Variants in USP37 observed in about 807,000 individuals in gnomAD.
USP37 encodes ubiquitin specific peptidase 37.
Under a neutral mutation model 124.0 loss-of-function variants are expected in USP37, and 27 were observed. The ratio of observed to expected loss-of-function variants is 0.22; its 90% CI spans 0.16 to 0.30. The LOEUF is 0.30. Among genes scored for constraint, USP37 ranks in the 10% least tolerant of loss-of-function variants. USP37 has a pLI of 1.00. For missense variants in USP37, 889 were observed against 1,140.4 expected, an observed-to-expected ratio of 0.78 and a Z score of 3.17; for synonymous variants, 365 against 388.0, an observed-to-expected ratio of 0.94 and a Z score of 0.70.
At chr2:218,549,474 T>G (rs1692543879) in intron 6 of USP37, among the ~76,000 whole-genome samples, 1 of 151,104 alleles carries the variant, frequency 6.6e-6, no homozygotes, top group Non-Finnish European at 1.5e-5. Context: ...CTTTTTTTTT[T>G]TTTTTTTTGA....
At chr2:218,559,367 G>C (rs1327784669) in intron 3 of USP37, among the ~76,000 whole-genome samples, 1 of 152,128 alleles carries the variant, frequency 6.6e-6, no homozygotes, top group Non-Finnish European at 1.5e-5. Context: ...TTAGAATGGA[G>C]TTCCTCCCAA....
chr2:218,523,079 C>T (rs1349925455), intron 10 of USP37, among the ~76,000 whole-genome samples: 1 of 152,100 alleles, frequency 6.6e-6, no homozygotes, highest in African/African-American at 2.4e-5. Flanking sequence ...AGTTCGAGAC[C>T]AGCATGGCCA....
At chr2:218,465,477 C>T (rs1690261755) in intron 21 of USP37, among the ~76,000 whole-genome samples, 1 of 152,028 alleles carries the variant, frequency 6.6e-6, no homozygotes, top group South Asian at 2.1e-4. Context: ...TAGGAATAAT[C>T]TATAATACCC....
At chr2:218,479,614 A>C in intron 18 of USP37, 36 bp downstream of exon 18, 1 of 1,582,076 alleles carries the variant, frequency 6.3e-7, no homozygotes, top group Non-Finnish European at 8.7e-7. Context: ...CAAAACCTTA[A>C]ACACAGATTT....
chr2:218,497,827 A>G lies in USP37; in HGVS notation c.1188T>C (p.Asp396=). 1 of 1,614,064 alleles carries G rather than the reference A, an allele frequency of 6.2e-7. No individual in the cohort carries two copies. The highest frequency in any genetic ancestry group is 8.5e-7 in the Non-Finnish European group (1 of 1,180,022). ...RRFAHLLVKK[D]ICNSETKKDL... is the part of the protein sequence containing the mutation. ...CCTTTTTGGTCTCTGAATTACAGAT[A>G]TCTTTTTTAACAAGCAAGTGTGCAA... Residue 396 remains aspartate (D), a synonymous_variant, in exon 13 of 26, where the codon GAT becomes GAC. Coordinates refer to ENST00000258399, the MANE Select transcript of USP37 (RefSeq NM_020935.3).
intron 8 of USP37, among the ~76,000 whole-genome samples, chr2:218,542,612 T>C (rs180828471): frequency 1.3e-5 from 2 of 152,324 alleles, no homozygotes; most frequent in Non-Finnish European, 2.9e-5. Context: ...TTTCCAATAT[T>C]GGCAGTGACA....
At chr2:218,544,441 A>AGAGAGAGAGG (rs1692212102) in intron 8 of USP37, among the ~76,000 whole-genome samples, 1 of 141,748 alleles carries the variant, frequency 7.1e-6, no homozygotes, top group Admixed American at 7.0e-5. Context: ...AGAGAGAGAG[A>AGAGAGAGAGG]GAGAGAGAGA....
chr2:218,487,983 A>G (rs1332727863), intron 15 of USP37, among the ~76,000 whole-genome samples: 1 of 151,204 alleles, frequency 6.6e-6, no homozygotes, highest in African/African-American at 2.4e-5. Flanking sequence ...CAGGAGTTCG[A>G]GACCAGCCTG....
intron 5 of USP37, among the ~76,000 whole-genome samples, chr2:218,551,215 T>C (rs1383303829): frequency 6.6e-6 from 1 of 152,218 alleles, no homozygotes; most frequent in Non-Finnish European, 1.5e-5. Flanking sequence ...CTTTATGCTG[T>C]TCAAAGTATT....
At chr2:218,472,115 C>A (rs1293990367) in intron 20 of USP37, among the ~76,000 whole-genome samples, 1 of 151,896 alleles carries the variant, frequency 6.6e-6, no homozygotes, top group Non-Finnish European at 1.5e-5. Context: ...GTCTTTCCTT[C>A]GCAATGTGAT....
intron 5 of USP37, among the ~76,000 whole-genome samples, chr2:218,550,362 G>A (rs1369478861): frequency 1.3e-5 from 2 of 152,050 alleles, no homozygotes; most frequent in Non-Finnish European, 2.9e-5. Context: ...CTTCTATTCT[G>A]AAGAAACTAA....
intron 14 of USP37, among the ~76,000 whole-genome samples, chr2:218,492,923 T>C (rs1688872254): frequency 6.6e-6 from 1 of 152,136 alleles, no homozygotes; most frequent in South Asian, 2.1e-4. Flanking sequence ...GAAGGATTGC[T>C]TAAGTTCAGG....
chr2:218,514,237 A>C (rs1690155580), intron 10 of USP37: 1 of 152,204 alleles, frequency 6.6e-6, no homozygotes, highest in African/African-American at 2.4e-5. Flanking sequence ...ACAATGATAC[A>C]ATACTATTAA....
intron 8 of USP37, among the ~76,000 whole-genome samples, chr2:218,542,538 G>C (rs1692042881): frequency 1.3e-5 from 2 of 152,148 alleles, no homozygotes; most frequent in Admixed American, 6.5e-5. Context: ...GTGTAAATAA[G>C]GCAGAAGCAT....
chr2:218,536,709 G>A (rs553938598), intron 8 of USP37, among the ~76,000 whole-genome samples: 3 of 152,180 alleles, frequency 2.0e-5, no homozygotes, highest in East Asian at 3.9e-4. Flanking sequence ...TAATTCACAT[G>A]CACACTAATC....
chr2:218,550,536 T>C (rs1692608076), intron 5 of USP37, among the ~76,000 whole-genome samples: 1 of 151,916 alleles, frequency 6.6e-6, no homozygotes, highest in Non-Finnish European at 1.5e-5. Context: ...TTCACAAACC[T>C]TTTTGTAGGA....
intron 20 of USP37, among the ~76,000 whole-genome samples, chr2:218,468,613 G>A (rs1478388578): frequency 2.0e-5 from 3 of 152,142 alleles, no homozygotes; most frequent in Admixed American, 6.5e-5. Context: ...ACTGGCTAAC[G>A]AGAATTACCT....
intron 4 of USP37, among the ~76,000 whole-genome samples, chr2:218,555,701 T>C (rs1375457119): frequency 1.3e-5 from 2 of 152,096 alleles, no homozygotes; most frequent in African/African-American, 4.8e-5. Context: ...GACACACAAC[T>C]CTTCCTCTAT....
Position 218,487,563 on chromosome 2 carries a change from G to C in USP37, c.1590+741C>G, listed in dbSNP as rs527690679. On this transcript the variant is annotated intron_variant, in intron 15 of 25. Transcript: ENST00000258399. Reference sequence around the variant, plus strand: ...AGCCTCCTGATTAGCTGGGACTACAGGCACACGCCACCATGCCCAGCTATT... The same window carrying C: ...AGCCTCCTGATTAGCTGGGACTACACGCACACGCCACCATGCCCAGCTATT... Among the ~76,000 whole-genome samples, 19 of 152,134 alleles carry C rather than the reference G, an allele frequency of 1.2e-4. 1 individual carries two copies. The South Asian group carries it at 3.7e-3, about 30-fold the overall frequency.
Sources: gnomAD v4.1 joint callset for allele counts (sites outside exome capture counted in the v4.1 genomes callset) on GRCh38, gnomAD v4.1.1 for gene constraint, MANE v1.5 for transcripts, NCBI Gene and HGNC (gene_info 2026-07-23, HGNC 2026-07-21) for gene names.